ANO4: variants seen among roughly 807,000 people sequenced by gnomAD.
ANO4 encodes the protein anoctamin-4.
ANO4 carries 69 observed loss-of-function variants against 141.9 expected under a neutral mutation model. The ratio of observed to expected loss-of-function variants is 0.49; its 90% CI spans 0.40 to 0.59. The LOEUF is 0.59. Ranked by LOEUF, ANO4 falls within the 20% of genes least tolerant of loss-of-function variation. The pLI, the probability that ANO4 is intolerant of heterozygous loss-of-function variation, is 0.00. For synonymous variants in ANO4, 350 were observed against 394.3 expected, an observed-to-expected ratio of 0.89 and a Z score of 1.33; for missense variants, 894 against 1,162.2, an observed-to-expected ratio of 0.77 and a Z score of 3.36.
At chr12:100,841,257 C>A (rs138896292) in intron 1 of ANO4, among the ~76,000 whole-genome samples, 2 of 152,158 alleles carry the variant, frequency 1.3e-5, no homozygotes, top group Non-Finnish European at 2.9e-5. Context: ...TTTATTGGCT[C>A]ATACAAATCT....
intron 9 of ANO4, among the ~76,000 whole-genome samples, chr12:101,032,471 T>A (rs1566151264): frequency 6.6e-6 from 1 of 152,058 alleles, no homozygotes; most frequent in Non-Finnish European, 1.5e-5. Context: ...AAAAATGGGA[T>A]CTAATTAAAC....
chr12:100,917,596 G>C (rs1192790916), intron 2 of ANO4, among the ~76,000 whole-genome samples: 1 of 152,158 alleles, frequency 6.6e-6, no homozygotes, highest in Non-Finnish European at 1.5e-5. Context: ...CATCTTTGAA[G>C]ATTCATTGGT....
chr12:100,799,233 T>G (rs1239891342), intron 1 of ANO4, among the ~76,000 whole-genome samples: 1 of 152,180 alleles, frequency 6.6e-6, no homozygotes, highest in Non-Finnish European at 1.5e-5. Flanking sequence ...AGATGAACGA[T>G]TATTTCTAAG....
chr12:101,009,040 G>T (rs191765091), intron 8 of ANO4, among the ~76,000 whole-genome samples: 16 of 152,012 alleles, frequency 1.1e-4, no homozygotes, highest in African/African-American at 3.6e-4. Flanking sequence ...TTATTTTTGC[G>T]ATCATGCATA....
At chr12:100,743,898 T>G (rs2135478438) in intron 3 of ANO4, among the ~76,000 whole-genome samples, 1 of 152,294 alleles carries the variant, frequency 6.6e-6, no homozygotes, top group East Asian at 1.9e-4. Context: ...TTGGTGTCTG[T>G]TGTTCCCTTC....
At chr12:101,104,591 A>ATGTG (rs1411482123) in intron 22 of ANO4, among the ~76,000 whole-genome samples, 1 of 114,450 alleles carries the variant, frequency 8.7e-6, no homozygotes, top group African/African-American at 3.8e-5. Context: ...GATAATATAT[A>ATGTG]TATGTGTGTG....
At chr12:100,880,691 T>C (rs551848271) in intron 1 of ANO4, among the ~76,000 whole-genome samples, 4 of 152,330 alleles carry the variant, frequency 2.6e-5, no homozygotes, top group Admixed American at 2.6e-4. Flanking sequence ...ATGATTTGAT[T>C]ATGTGAGGAG....
chr12:101,009,666 C>G (rs2046001338), intron 8 of ANO4, among the ~76,000 whole-genome samples: 1 of 152,018 alleles, frequency 6.6e-6, no homozygotes, highest in African/African-American at 2.4e-5. Flanking sequence ...CCTCAGTGTT[C>G]TATAATATCA....
chr12:100,934,109 C>G (rs1420441288), intron 3 of ANO4, among the ~76,000 whole-genome samples: 2 of 152,066 alleles, frequency 1.3e-5, no homozygotes, highest in Admixed American at 1.3e-4. Context: ...TAATTACATC[C>G]CATTTGTCTA....
intron 1 of ANO4, among the ~76,000 whole-genome samples, chr12:100,720,442 G>A (rs2030813375): frequency 6.6e-6 from 1 of 151,768 alleles, no homozygotes; most frequent in Admixed American, 6.6e-5. Context: ...TCAGGAATGA[G>A]CTTGTCATGT....
chr12:100,958,833 T>A (rs922335725), intron 5 of ANO4, among the ~76,000 whole-genome samples: 1 of 151,976 alleles, frequency 6.6e-6, no homozygotes, highest in Non-Finnish European at 1.5e-5. Flanking sequence ...GGGCAACAAG[T>A]GAGAACCTGT....
At chr12:101,026,414 T>A in intron 9 of ANO4, among the ~76,000 whole-genome samples, 1 of 152,198 alleles carries the variant, frequency 6.6e-6, no homozygotes, top group Non-Finnish European at 1.5e-5. Context: ...ACTATGTTTA[T>A]GAGTCAGAAG....
chr12:100,749,431 T>A lies in ANO4; in HGVS notation c.358+9326T>A, dbSNP rs889604119. ...GCATTGGCTAAGAGAAATACATTGCTGAGCTTTCTTCAAATTTCCTATTTT... is the reference window on the plus strand; with the variant it reads ...GCATTGGCTAAGAGAAATACATTGCAGAGCTTTCTTCAAATTTCCTATTTT... On this transcript the variant is annotated intron_variant, in intron 3 of 29. Transcript: ENST00000644049. 1.1e-4 allele frequency among the ~76,000 whole-genome samples: 17 copies of A among 152,264 alleles called. 1 individual carries two copies. The South Asian group carries it at 1.4e-3, about 13-fold the overall frequency.
intron 10 of ANO4, among the ~76,000 whole-genome samples, chr12:101,037,874 G>A (rs1383287378): frequency 6.6e-6 from 1 of 152,156 alleles, no homozygotes; most frequent in Non-Finnish European, 1.5e-5. Flanking sequence ...CTGTCCTCTG[G>A]GACCTCACAA....
intron 5 of ANO4, 43 bp downstream of exon 5, chr12:100,942,578 A>G: frequency 2.1e-5 from 33 of 1,576,394 alleles, no homozygotes; most frequent in Non-Finnish European, 2.8e-5. Flanking sequence ...ATACATATCT[A>G]TTCATATGAA....
At chr12:101,033,017 C>T (rs201263561) in intron 9 of ANO4, among the ~76,000 whole-genome samples, 5 of 151,734 alleles carry the variant, frequency 3.3e-5, no homozygotes, top group African/African-American at 7.2e-5. Flanking sequence ...CACATGCACA[C>T]GTATGTTTAT....
At chr12:101,126,424 C>T (rs974250003) in intron 26 of ANO4, among the ~76,000 whole-genome samples, 1 of 152,126 alleles carries the variant, frequency 6.6e-6, no homozygotes, top group Non-Finnish European at 1.5e-5. Flanking sequence ...ATTCTTATAA[C>T]CAAGATTTGT....
intron 22 of ANO4, among the ~76,000 whole-genome samples, chr12:101,101,949 T>G (rs2050205183): frequency 6.6e-6 from 1 of 152,054 alleles, no homozygotes; most frequent in African/African-American, 2.4e-5. Context: ...CTGGGCGCAG[T>G]GGCAGGCGTG....
At chr12:100,855,234 CT>C (rs1296548112) in intron 1 of ANO4, among the ~76,000 whole-genome samples, 2 of 152,040 alleles carry the variant, frequency 1.3e-5, no homozygotes, top group African/African-American at 4.8e-5. Context: ...CCATCGTATC[CT>C]TTTTTCTCCC....
Sources: allele counts gnomAD v4.1 joint callset (sites outside exome capture counted in the v4.1 genomes callset), GRCh38; gene constraint gnomAD v4.1.1; transcripts MANE v1.5; gene names NCBI Gene and HGNC (gene_info 2026-07-23, HGNC 2026-07-21).